ANO3: variants seen among roughly 807,000 people sequenced by gnomAD.
ANO3 encodes the protein anoctamin 3.
Under a neutral mutation model 144.8 loss-of-function variants are expected in ANO3, and 99 were observed. The observed-to-expected ratio is 0.68, with a 90% CI of 0.58 to 0.81. The LOEUF (loss-of-function observed/expected upper bound fraction) is 0.81. Ranked by LOEUF, ANO3 falls within the 30% of genes least tolerant of loss-of-function variation. ANO3 has a pLI of 0.00. For synonymous variants in ANO3, 414 were observed against 392.6 expected (o/e 1.05, Z -0.64); for missense variants, 905 against 1,202.2 (o/e 0.75, Z 3.66).
intron 1 of ANO3, among the ~76,000 whole-genome samples, chr11:26,317,998 T>C (rs1413128203): frequency 2.0e-5 from 3 of 152,026 alleles, no homozygotes; most frequent in African/African-American, 4.8e-5. Context: ...CTCAGCAAAC[T>C]AACACAAGAA....
At chr11:26,332,648 T>C (rs999441062) in intron 1 of ANO3, among the ~76,000 whole-genome samples, 6 of 151,890 alleles carry the variant, frequency 4.0e-5, no homozygotes, top group Admixed American at 2.0e-4. Context: ...CTCTGAGGGG[T>C]GAGGACAGAA....
intron 1 of ANO3, among the ~76,000 whole-genome samples, chr11:26,254,381 C>A (rs186723591): frequency 1.3e-5 from 2 of 152,248 alleles, no homozygotes; most frequent in Admixed American, 6.5e-5. Flanking sequence ...CAGAAATAAA[C>A]TATCTGGGCC....
At chr11:26,570,078 A>C (rs944280826) in intron 14 of ANO3, among the ~76,000 whole-genome samples, 1 of 152,140 alleles carries the variant, frequency 6.6e-6, no homozygotes, top group African/African-American at 2.4e-5. Context: ...GAGGATTTCC[A>C]GTTCCTTTGT....
At chr11:26,472,965 G>A (rs535993566) in intron 4 of ANO3, among the ~76,000 whole-genome samples, 34 of 151,992 alleles carry the variant, frequency 2.2e-4, no homozygotes, top group African/African-American at 7.7e-4. Context: ...TGTTTGTGGT[G>A]GTTGACTTCT....
chr11:26,641,943 A>G lies in ANO3; in HGVS notation c.2189A>G (p.His730Arg), dbSNP rs778583521. The G allele has an allele frequency of 3.1e-6, 5 of 1,614,054 alleles. No individual in the cohort carries two copies. The highest frequency in any genetic ancestry group is 4.2e-6 in the Non-Finnish European group (5 of 1,179,978). ...CGACATAAAATCAAGCGGGGAATACATGATGCTTCCATACCTCAGTGGGAA... is the reference window on the plus strand; with the variant it reads ...CGACATAAAATCAAGCGGGGAATACGTGATGCTTCCATACCTCAGTGGGAA... ...WSRHKIKRGIHDASIPQWEND... is the reference protein window; with the variant it reads ...WSRHKIKRGIRDASIPQWEND... The change falls in exon 22 of 27, where the codon CAT (histidine) becomes CGT (arginine). Residue 730 changes from histidine to arginine, a missense_variant. By Grantham distance (29) the His-to-Arg change is conservative. Transcript: ENST00000256737.
At chr11:26,539,957 G>C (rs974701953) in intron 10 of ANO3, among the ~76,000 whole-genome samples, 1 of 152,102 alleles carries the variant, frequency 6.6e-6, no homozygotes, top group African/African-American at 2.4e-5. Context: ...ACATTGGAGT[G>C]AGGAGAAAGA....
chr11:26,609,805 G>A (rs1026233898), intron 17 of ANO3, among the ~76,000 whole-genome samples: 5 of 152,082 alleles, frequency 3.3e-5, no homozygotes, highest in Admixed American at 2.0e-4. Flanking sequence ...ATTTTTCTGA[G>A]GAACCTTCAT....
chr11:26,198,274 A>G (rs1851627877), intron 1 of ANO3, among the ~76,000 whole-genome samples: 1 of 152,092 alleles, frequency 6.6e-6, no homozygotes, highest in African/African-American at 2.4e-5. Flanking sequence ...CATATCCTGG[A>G]TATTGTCACT....
intron 1 of ANO3, among the ~76,000 whole-genome samples, chr11:26,369,889 G>A (rs938262324): frequency 5.3e-5 from 8 of 152,062 alleles, no homozygotes; most frequent in African/African-American, 1.9e-4. Flanking sequence ...ACCATCAGTG[G>A]TTCAATTTCC....
chr11:26,362,243 A>G (rs1395665023), intron 1 of ANO3, among the ~76,000 whole-genome samples: 1 of 152,188 alleles, frequency 6.6e-6, no homozygotes, highest in African/African-American at 2.4e-5. Context: ...ACAAAATTAT[A>G]ATAATAAAAA....
chr11:26,336,127 A>C (rs559802615), intron 1 of ANO3, among the ~76,000 whole-genome samples: 3 of 152,254 alleles, frequency 2.0e-5, no homozygotes, highest in South Asian at 2.1e-4. Context: ...ATCAGCAGTG[A>C]TTTCTGGGGA....
intron 1 of ANO3, chr11:26,189,353 A>G (rs1851432625): frequency 1.0e-6 from 1 of 980,302 alleles, no homozygotes; most frequent in Non-Finnish European, 1.2e-6. Context: ...TTAGATTGAT[A>G]TGTATGAGTA....
chr11:26,564,925 A>G (rs1209418924), intron 14 of ANO3, among the ~76,000 whole-genome samples: 1 of 150,102 alleles, frequency 6.7e-6, no homozygotes, highest in Non-Finnish European at 1.5e-5. Flanking sequence ...CTAACTTCAC[A>G]TTTTGTCCCA....
intron 3 of ANO3, among the ~76,000 whole-genome samples, chr11:26,455,817 C>G (rs1464354073): frequency 6.6e-6 from 1 of 150,594 alleles, no homozygotes; most frequent in East Asian, 2.0e-4. Context: ...TACCTGACTT[C>G]AAACTATGCT....
At chr11:26,270,321 G>A (rs1288750799) in intron 1 of ANO3, among the ~76,000 whole-genome samples, 1 of 152,090 alleles carries the variant, frequency 6.6e-6, no homozygotes, top group East Asian at 1.9e-4. Flanking sequence ...GGATGGGGGA[G>A]GGTGGTAGAA....
rs183061878 is a variant in ANO3 at position 26,465,829 on chromosome 11, A to G, written c.432+2681A>G. The stretch of plus-strand genomic sequence containing the variant: ...AACATTTTCTGAGTTGAGTTGGGGT[A>G]GTGAATTTTAATTTTTGTCAGGTAC... On this transcript the variant is annotated intron_variant, in intron 4 of 26. Transcript: ENST00000256737. Among the ~76,000 whole-genome samples, 26 of 152,078 alleles carry G rather than the reference A, an allele frequency of 1.7e-4. No individual in the cohort carries two copies. The East Asian group carries it at 5.1e-3, about 30-fold the overall frequency.
At chr11:26,458,870 T>A (rs1565037684) in intron 3 of ANO3, among the ~76,000 whole-genome samples, 1 of 152,146 alleles carries the variant, frequency 6.6e-6, no homozygotes, top group African/African-American at 2.4e-5. Context: ...TGTACATATA[T>A]AGCATATATG....
At chr11:26,636,588 T>C (rs1227823551) in intron 20 of ANO3, among the ~76,000 whole-genome samples, 1 of 151,924 alleles carries the variant, frequency 6.6e-6, no homozygotes, top group African/African-American at 2.4e-5. Flanking sequence ...AAGTCACAGA[T>C]GTGCAGTGCC....
intron 5 of ANO3, among the ~76,000 whole-genome samples, chr11:26,516,292 A>C (rs294011): frequency 0.79 from 118,966 of 150,104 alleles, 47,320 homozygotes; most frequent in East Asian, 0.84. Flanking sequence ...TGAAAGAAAG[A>C]AAGCAAATAT....
Sources: allele counts gnomAD v4.1 joint callset (sites outside exome capture counted in the v4.1 genomes callset), GRCh38; gene constraint gnomAD v4.1.1; transcripts MANE v1.5; gene names NCBI Gene and HGNC (gene_info 2026-07-23, HGNC 2026-07-21).